Variants in SI observed in about 807,000 individuals in gnomAD.
SI encodes sucrase-isomaltase, intestinal.
SI carries 235 observed loss-of-function variants against 253.3 expected under a neutral mutation model. The observed-to-expected ratio is 0.93, with a 90% CI of 0.83 to 1.03. SI has a LOEUF of 1.03. Among genes scored for constraint, SI ranks in the 50% least tolerant of loss-of-function variants. The probability of loss-of-function intolerance (pLI) is 0.00; values close to 1 mark genes in which losing one functional copy is unlikely to be tolerated. For synonymous variants in SI, 819 were observed against 712.0 expected (o/e 1.15, Z -2.39); for missense variants, 2,442 against 2,211.1 (o/e 1.10, Z -2.09).
At position 164,979,344 on chromosome 3, in the gene SI, T is replaced by A. The variant is rs181862908; in HGVS notation, c.*18A>T. 6 of 1,513,216 alleles carry A rather than the reference T, an allele frequency of 4.0e-6. No homozygotes were observed. The highest frequency in any genetic ancestry group is 2.7e-5 in the African/African-American group (2 of 72,882). 93.7% of individuals were successfully genotyped at this position (1,513,216 alleles called of 1,614,324 possible). A position where few individuals can be genotyped will look rare whatever the true frequency, so the allele number is the denominator to read the frequency against. On this transcript the variant is annotated 3_prime_UTR_variant, in exon 48 of 48. Transcript: ENST00000264382. ...CCTGGTGTTTTTTCCCATTGACAAC[T>A]AAAATTGATGGTGATCTTCATGACC...
At chr3:165,044,991 T>G (rs186353042) in intron 16 of SI, among the ~76,000 whole-genome samples, 1 of 152,188 alleles carries the variant, frequency 6.6e-6, no homozygotes, top group Admixed American at 6.6e-5. Flanking sequence ...TCCATATAAA[T>G]AGTTGATACT....
chr3:165,038,162 G>A (rs1285597261), intron 20 of SI, 138 bp from the exon 21 acceptor site: 6 of 743,980 alleles, frequency 8.1e-6, no homozygotes, highest in East Asian at 2.9e-5. Flanking sequence ...TCTAACTTTA[G>A]GAGAATTTTT....
At chr3:164,981,703 T>A (rs531530788) in intron 47 of SI, among the ~76,000 whole-genome samples, 1 of 152,128 alleles carries the variant, frequency 6.6e-6, no homozygotes, top group Non-Finnish European at 1.5e-5. Context: ...ATCATTTACT[T>A]GCATTTTTTT....
At chr3:165,045,996 T>C (rs1713091002) in intron 16 of SI, among the ~76,000 whole-genome samples, 1 of 151,290 alleles carries the variant, frequency 6.6e-6, no homozygotes, top group Non-Finnish European at 1.5e-5. Flanking sequence ...ATCATGCCCG[T>C]CTTTTGGTAT....
At chr3:165,027,430 G>C (rs541898339) in intron 25 of SI, among the ~76,000 whole-genome samples, 1 of 151,098 alleles carries the variant, frequency 6.6e-6, no homozygotes, top group Non-Finnish European at 1.5e-5. Context: ...AAGAGAAAGA[G>C]GGAATCCCCC....
intron 9 of SI, among the ~76,000 whole-genome samples, chr3:165,062,068 C>A (rs1714009312): frequency 6.6e-6 from 1 of 151,936 alleles, no homozygotes; most frequent in South Asian, 2.1e-4. Flanking sequence ...TTTATTCCAT[C>A]AGATAAAGTC....
At position 165,023,726 on chromosome 3, in the gene SI, GT is replaced by G. The variant is rs1185019264; in HGVS notation, c.2942del (p.Asn981ThrfsTer15). 3 of 1,610,628 alleles carry G rather than the reference GT, an allele frequency of 1.9e-6. No homozygotes were observed. In the South Asian group the frequency reaches 3.3e-5, roughly 18 times the overall value. ...AGCGAGCTGAGTTGACTGAATAAGA[GT>G]TATCTTGTCTGGGAAAGTAACACTC... is the stretch of plus-strand genomic sequence containing the variant. ...APECYFPRQD[N>X]SYSVNSARYS... On this transcript the variant is annotated frameshift_variant, in exon 26 of 48. Coordinates refer to ENST00000264382, the MANE Select transcript of SI (RefSeq NM_001041.4). LOFTEE classifies it high-confidence loss of function.
In SI at chr3:164,996,536, C is replaced by G. The variant is rs1718018671; in HGVS notation, c.4691G>C (p.Arg1564Thr). 7.0e-7 allele frequency: 1 copy of G among 1,431,860 alleles called. No homozygotes were observed. The highest frequency in any genetic ancestry group is 9.9e-7 in the Non-Finnish European group (1 of 1,014,680). 88.7% of individuals were successfully genotyped at this position (1,431,860 alleles called of 1,614,324 possible). Reference sequence around the variant, plus strand: ...AAAGTAAATGTAGTAATTACATACTCTAGTATTTGCAATGTTGTGATTCCT... The same window carrying G: ...AAAGTAAATGTAGTAATTACATACTGTAGTATTTGCAATGTTGTGATTCCT... ...YSRNHNIANT[R>T]RQDPASWNET... Residue 1564 changes from arginine (R) to threonine (T), a missense_variant and splice_region_variant, in exon 40 of 48, where the codon AGA becomes ACA. Arg to Thr is a moderately conservative substitution (Grantham distance 71). Transcript: ENST00000264382.
chr3:164,994,506 A>G (rs1717921694), intron 40 of SI, 101 bp from the exon 41 acceptor site: 3 of 1,221,846 alleles, frequency 2.5e-6, no homozygotes, highest in Non-Finnish European at 3.6e-6. Flanking sequence ...ACATGATATT[A>G]ATTGATTGTC....
At chr3:164,992,041 T>C in intron 43 of SI, 136 bp downstream of exon 43, 5 of 776,796 alleles carry the variant, frequency 6.4e-6, no homozygotes, top group East Asian at 2.5e-5. Context: ...AATTCAGCTA[T>C]AATTTACCGG....
upstream of SI, among the ~76,000 whole-genome samples, chr3:165,080,009 T>C (rs1353643811): frequency 6.6e-6 from 1 of 151,946 alleles, no homozygotes; most frequent in African/African-American, 2.4e-5. Flanking sequence ...GACAAGCTGA[T>C]TGTAAATTTT....
intron 16 of SI, among the ~76,000 whole-genome samples, chr3:165,045,610 T>A (rs536337337): frequency 2.0e-4 from 31 of 152,028 alleles, no homozygotes; most frequent in African/African-American, 7.5e-4. Flanking sequence ...TACATCTTTC[T>A]TTAGGTTTAT....
intron 17 of SI, among the ~76,000 whole-genome samples, chr3:165,042,607 T>C (rs1394180267): frequency 3.9e-5 from 6 of 152,104 alleles, no homozygotes; most frequent in Non-Finnish European, 8.8e-5. Flanking sequence ...TGAAAGACGC[T>C]GGACTCTAAT....
chr3:165,038,395 T>C (rs1463274434), intron 20 of SI, among the ~76,000 whole-genome samples: 5 of 151,920 alleles, frequency 3.3e-5, no homozygotes, highest in African/African-American at 1.2e-4. Context: ...ATAAGTGATA[T>C]GCAAAATAAT....
chr3:165,032,204 G>A (rs988352201), intron 24 of SI, among the ~76,000 whole-genome samples: 1 of 151,168 alleles, frequency 6.6e-6, no homozygotes, highest in East Asian at 1.9e-4. Flanking sequence ...GCAATAGGTA[G>A]GTTAGAGTTC....
In SI at chr3:165,059,056, A is replaced by C; in HGVS notation, c.1305T>G (p.Arg435=). 1 of 1,612,528 alleles carries C rather than the reference A, an allele frequency of 6.2e-7. No homozygotes were observed. The highest frequency in any genetic ancestry group is 8.5e-7 in the Non-Finnish European group (1 of 1,179,172). The change falls in exon 12 of 48, where the codon CGT becomes CGG. Residue 435 remains arginine, a synonymous_variant. Coordinates refer to ENST00000264382, the MANE Select transcript of SI (RefSeq NM_001041.4). The part of the protein sequence containing the change: ...ILDPAISIGR[R]ANGTTYATYE... ...AGGTTGCATATGTTGTTCCATTGGC[A>C]CGTCGACCTATGGAAATTGCAGGGT...
intron 28 of SI, among the ~76,000 whole-genome samples, chr3:165,018,730 A>G (rs1221960893): frequency 6.6e-6 from 1 of 151,506 alleles, no homozygotes; most frequent in Admixed American, 6.6e-5. Context: ...AATTTTAGAT[A>G]TCAAGAATCA....
Position 165,040,811 on chromosome 3 carries a change from AT to A in SI, c.2159+128del, listed in dbSNP as rs536948244. The A allele has an allele frequency of 4.8e-4, 344 of 716,700 alleles. 4 individuals carry two copies. The South Asian group carries it at 5.5e-3, about 11-fold the overall frequency. The allele number at this position is 716,700 out of a possible 1,614,324, so 44.4% of individuals were successfully genotyped here. ...GCATCATTATATAGCTCTTCAAATC[AT>A]TTACACCAATGTAAAAACAAGCAGC... On this transcript the variant is annotated intron_variant, in intron 18 of 47. Coordinates refer to ENST00000264382, the MANE Select transcript of SI (RefSeq NM_001041.4).
chr3:165,003,521 G>T (rs969356671), intron 37 of SI, among the ~76,000 whole-genome samples: 2 of 151,892 alleles, frequency 1.3e-5, no homozygotes, highest in Non-Finnish European at 2.9e-5. Context: ...TGAGTTTTTG[G>T]TCATACATTC....
Sources: gnomAD v4.1 joint callset for allele counts (sites outside exome capture counted in the v4.1 genomes callset) on GRCh38, gnomAD v4.1.1 for gene constraint, MANE v1.5 for transcripts, NCBI Gene and HGNC (gene_info 2026-07-23, HGNC 2026-07-21) for gene names.